Variants in EARS2 observed in about 807,000 individuals in gnomAD.
The protein encoded by EARS2 is glutamyl-tRNA synthetase 2, mitochondrial.
In EARS2, 50 loss-of-function variants were observed where a neutral mutation model predicts 54.1. That is an observed-to-expected ratio of 0.92 (90% CI 0.74 to 1.17). The LOEUF (loss-of-function observed/expected upper bound fraction) is 1.17. Among genes scored for constraint, EARS2 ranks in the 50% most tolerant of loss-of-function variants. The pLI is 0.00. For synonymous variants in EARS2, 298 were observed against 281.0 expected (o/e 1.06, Z -0.61); for missense variants, 673 against 675.0 (o/e 1.00, Z 0.03).
At chr16:23,526,180 T>G (rs2142160788) in intron 7 of EARS2, among the ~76,000 whole-genome samples, 2 of 145,856 alleles carry the variant, frequency 1.4e-5, no homozygotes, top group South Asian at 4.6e-4. Context: ...TGGCACGATC[T>G]CAGCTCACTG....
chr16:23,524,876 C>G (rs1036100525), intron 8 of EARS2: 5 of 434,632 alleles, frequency 1.2e-5, no homozygotes, highest in Non-Finnish European at 1.6e-5. Context: ...AACTCCTGAC[C>G]TCAGGTGATC....
chr16:23,551,884 C>A (rs1434754748), intron 2 of EARS2, among the ~76,000 whole-genome samples: 1 of 152,144 alleles, frequency 6.6e-6, no homozygotes, highest in Non-Finnish European at 1.5e-5. Context: ...CGCACCACTG[C>A]ACTCCAGCCT....
rs1187962050 is a variant in EARS2 at position 23,557,326 on chromosome 16, C to T, written c.18G>A (p.Arg6=). ...AAGGCCTCTCGCGCTGCAGCAGTCT[C>T]CTCAGGAGCGCCGCCATGTGGGATG... MAALL[R]RLLQRERPSA... is the part of the protein sequence containing the mutation. Residue 6 remains arginine, a synonymous_variant, in exon 1 of 9, where the codon AGG becomes AGA. Transcript: ENST00000449606. 3.9e-6 allele frequency: 6 copies of T among 1,549,926 alleles called. No homozygotes were observed. Among genetic ancestry groups the T allele is most frequent in the African/African-American group, 2.7e-5 (2 of 74,100 alleles).
At chr16:23,555,313 C>T (rs1965757965) in intron 1 of EARS2, among the ~76,000 whole-genome samples, 2 of 152,060 alleles carry the variant, frequency 1.3e-5, no homozygotes, top group Admixed American at 1.3e-4. Context: ...TGGCAAAACC[C>T]CATCTCTACA....
intron 2 of EARS2, among the ~76,000 whole-genome samples, chr16:23,548,352 T>C (rs1021768037): frequency 1.3e-5 from 2 of 152,154 alleles, no homozygotes; most frequent in Non-Finnish European, 2.9e-5. Context: ...GGTGCCTGAA[T>C]ACCTGCCCTC....
intron 3 of EARS2, among the ~76,000 whole-genome samples, chr16:23,541,860 AT>A (rs552062498): frequency 0.019 from 2,723 of 140,400 alleles, 22 homozygotes; most frequent in African/African-American, 0.022. Context: ...AGCTCAGCTA[AT>A]TTTTTTTTTT....
In EARS2 at chr16:23,521,544, A is replaced by G. The variant is rs1316993685; in HGVS notation, c.*2827T>C. 6.6e-6 allele frequency among the ~76,000 whole-genome samples: 1 copy of G among 151,984 alleles called. No individual in the cohort carries two copies. The highest frequency in any genetic ancestry group is 2.4e-5 in the African/African-American group (1 of 41,388). ...CTCCCAAGTAGCTGGGACTACAGGC[A>G]TATGTCACCTCACCTGGCTAATTTT... On this transcript the variant is annotated 3_prime_UTR_variant, in exon 9 of 9. Coordinates refer to ENST00000449606, the MANE Select transcript of EARS2 (RefSeq NM_001083614.2).
At chr16:23,551,712 G>T (rs1398311989) in intron 2 of EARS2, among the ~76,000 whole-genome samples, 1 of 152,076 alleles carries the variant, frequency 6.6e-6, no homozygotes, top group African/African-American at 2.4e-5. Flanking sequence ...GAGGTCAGGA[G>T]GTCAAGATCA....
intron 7 of EARS2, among the ~76,000 whole-genome samples, chr16:23,526,110 CTTTT>C (rs55859005): frequency 1.4e-3 from 171 of 119,956 alleles, no homozygotes; most frequent in Admixed American, 1.4e-3. Flanking sequence ...GAAATATTAC[CTTTT>C]TTTTTTTTTT....
chr16:23,553,046 G>A (rs1254015680), intron 1 of EARS2: 4 of 402,952 alleles, frequency 9.9e-6, no homozygotes, highest in Non-Finnish European at 2.0e-5. Flanking sequence ...AGGATCACCT[G>A]AGCCTGGGGA....
At chr16:23,557,139 G>A in intron 1 of EARS2, 66 bp downstream of exon 1, 1 of 1,489,822 alleles carries the variant, frequency 6.7e-7, no homozygotes, top group Non-Finnish European at 8.9e-7. Context: ...ATTCATTCGG[G>A]AACATTCGTG....
rs1034864452 is a variant in EARS2 at position 23,549,148 on chromosome 16, G to A, written c.295+3001C>T. ...TACAGGAGAAAGAGAGCTGTAACAC[G>A]CTCCCACTCACCAAGCTACAGGAGT... On this transcript the variant is annotated intron_variant, in intron 2 of 8. Coordinates refer to ENST00000449606, the MANE Select transcript of EARS2 (RefSeq NM_001083614.2). Among the ~76,000 whole-genome samples, 62 of 152,154 alleles carry A rather than the reference G, an allele frequency of 4.1e-4. 1 individual carries two copies. Among genetic ancestry groups the A allele is most frequent in the African/African-American group, 1.3e-3 (55 of 41,428 alleles).
rs1036100525 is a variant in EARS2, at chr16:23,524,876, C to T, written c.1488+368G>A. On this transcript the variant is annotated intron_variant, in intron 8 of 8. Transcript: ENST00000449606. ...CCCAGGCTGGTCTCAAACTCCTGAC[C>T]TCAGGTGATCCACCTGCCTAGGCCT... 3 of 434,750 alleles carry T rather than the reference C, an allele frequency of 6.9e-6. No homozygotes were observed. In the South Asian group the frequency reaches 9.9e-5, roughly 14 times the overall value. 26.9% of individuals were successfully genotyped at this position (434,750 alleles called of 1,614,324 possible).
intron 5 of EARS2, among the ~76,000 whole-genome samples, chr16:23,530,825 G>C (rs956589161): frequency 6.6e-6 from 1 of 151,938 alleles, no homozygotes; most frequent in Non-Finnish European, 1.5e-5. Context: ...GCAGTGAACC[G>C]AGATGTCACC....
chr16:23,551,476 C>T (rs150730203), intron 2 of EARS2, among the ~76,000 whole-genome samples: 269 of 152,000 alleles, frequency 1.8e-3, no homozygotes, highest in African/African-American at 5.7e-3. Flanking sequence ...ATTAGCCAGG[C>T]GTGGTGGTGC....
intron 3 of EARS2, among the ~76,000 whole-genome samples, chr16:23,540,877 G>C (rs1209725614): frequency 6.6e-6 from 1 of 152,184 alleles, no homozygotes; most frequent in Non-Finnish European, 1.5e-5. Flanking sequence ...TCTAGTCCCA[G>C]CTCCTCAGGA....
chr16:23,527,101 C>T lies in EARS2; in HGVS notation c.1353-1722G>A, dbSNP rs548528636. The stretch of plus-strand genomic sequence containing the variant: ...CCTCAGCTGCCTGAGCAGCTTGGAC[C>T]ACAGGCACCCACCACGATGCCTGGC... On this transcript the variant is annotated intron_variant, in intron 7 of 8. Transcript: ENST00000449606. Among the ~76,000 whole-genome samples, 197 of 152,178 alleles carry T rather than the reference C, an allele frequency of 1.3e-3. 4 individuals carry two copies. The South Asian group carries it at 0.04, about 31-fold the overall frequency.
intron 2 of EARS2, among the ~76,000 whole-genome samples, chr16:23,546,109 T>G (rs1398921327): frequency 1.3e-5 from 2 of 152,186 alleles, no homozygotes; most frequent in Non-Finnish European, 2.9e-5. Context: ...CAGTGGTGTA[T>G]ATTTAGGACA....
intron 3 of EARS2, among the ~76,000 whole-genome samples, chr16:23,542,473 G>A (rs1322230238): frequency 2.7e-5 from 4 of 149,086 alleles, no homozygotes; most frequent in African/African-American, 7.4e-5. Context: ...GCACCACCAC[G>A]CCCAGCTAAT....
Sources: allele counts gnomAD v4.1 joint callset (sites outside exome capture counted in the v4.1 genomes callset), GRCh38; gene constraint gnomAD v4.1.1; transcripts MANE v1.5; gene names NCBI Gene and HGNC (gene_info 2026-07-23, HGNC 2026-07-21).